Variants in RARB observed in about 807,000 individuals in gnomAD.
RARB encodes HBV-activated protein.
A neutral mutation model predicts 51.9 loss-of-function variants in RARB; 17 were observed. The ratio of observed to expected loss-of-function variants is 0.33; its 90% CI spans 0.22 to 0.49. The LOEUF (loss-of-function observed/expected upper bound fraction) is 0.49, where lower values mean the gene tolerates loss of function less well. RARB is among the 20% of genes least tolerant of loss of function. The pLI, the probability that RARB is intolerant of heterozygous loss-of-function variation, is 0.99. For synonymous variants in RARB, 215 were observed against 195.4 expected (o/e 1.10, Z -0.84); for missense variants, 369 against 550.8 (o/e 0.67, Z 3.30).
At chr3:25,133,081 CATTCTT>C (rs1483152831) in intron 4 of RARB, among the ~76,000 whole-genome samples, 1 of 151,930 alleles carries the variant, frequency 6.6e-6, no homozygotes, top group African/African-American at 2.4e-5. Flanking sequence ...TCTGAGTTTT[CATTCTT>C]AATGTTGAAC....
intron 5 of RARB, among the ~76,000 whole-genome samples, chr3:25,363,687 C>T (rs79457532): frequency 0.022 from 3,299 of 152,248 alleles, 66 homozygotes; most frequent in South Asian, 0.11. Flanking sequence ...TCCTTGCCTC[C>T]ACCCTTTCCA....
chr3:25,162,049 A>G (rs1700481921), intron 4 of RARB, among the ~76,000 whole-genome samples: 1 of 152,028 alleles, frequency 6.6e-6, no homozygotes, highest in Non-Finnish European at 1.5e-5. Flanking sequence ...TGAGATCCCA[A>G]CCCCAGGAAT....
intron 3 of RARB, among the ~76,000 whole-genome samples, chr3:25,064,914 GA>G (rs1020083149): frequency 1.3e-5 from 2 of 152,096 alleles, no homozygotes; most frequent in Admixed American, 1.3e-4. Context: ...AGAAAGCAAA[GA>G]ATCTGTGATG....
intron 5 of RARB, among the ~76,000 whole-genome samples, chr3:25,229,865 G>C (rs1702136976): frequency 6.6e-6 from 1 of 152,110 alleles, no homozygotes; most frequent in South Asian, 2.1e-4. Flanking sequence ...TAATGGATGA[G>C]CTGGGTGTGA....
intron 2 of RARB, among the ~76,000 whole-genome samples, chr3:24,981,223 G>C (rs1393703293): frequency 6.6e-6 from 1 of 152,218 alleles, no homozygotes; most frequent in Non-Finnish European, 1.5e-5. Flanking sequence ...CTACACAGGA[G>C]TCAGGGACCC....
chr3:25,144,806 G>C (rs537162485), intron 4 of RARB, among the ~76,000 whole-genome samples: 1 of 152,162 alleles, frequency 6.6e-6, no homozygotes, highest in South Asian at 2.1e-4. Context: ...CGTATACCTC[G>C]AGGCTATATG....
intron 2 of RARB, among the ~76,000 whole-genome samples, chr3:24,974,306 T>G (rs1049418592): frequency 5.3e-5 from 8 of 152,114 alleles, no homozygotes; most frequent in Non-Finnish European, 1.2e-4. Context: ...GGTGAATAAT[T>G]TTTTAAACGC....
chr3:25,092,728 T>G (rs1357876462), intron 3 of RARB, among the ~76,000 whole-genome samples: 5 of 152,166 alleles, frequency 3.3e-5, no homozygotes, highest in Admixed American at 2.6e-4. Context: ...GTGTGTTGTC[T>G]TGCCATGTAA....
intron 3 of RARB, among the ~76,000 whole-genome samples, chr3:25,075,142 G>A (rs974295268): frequency 1.6e-4 from 24 of 152,176 alleles, no homozygotes; most frequent in African/African-American, 5.6e-4. Flanking sequence ...AGATGCAGAT[G>A]TGGGGGTCTT....
At chr3:25,291,830 A>G (rs1233560760) in intron 5 of RARB, among the ~76,000 whole-genome samples, 1 of 152,142 alleles carries the variant, frequency 6.6e-6, no homozygotes, top group Non-Finnish European at 1.5e-5. Flanking sequence ...CAAAGAAAAA[A>G]TGGCTCTCAG....
chr3:25,101,353 A>G (rs566503428), intron 3 of RARB, among the ~76,000 whole-genome samples: 1 of 152,348 alleles, frequency 6.6e-6, no homozygotes, highest in African/African-American at 2.4e-5. Context: ...TCAAAAAGTG[A>G]AAGCCTCCTT....
chr3:24,907,352 GC>G (rs1393079261), intron 2 of RARB, among the ~76,000 whole-genome samples: 1 of 152,216 alleles, frequency 6.6e-6, no homozygotes, highest in Non-Finnish European at 1.5e-5. Context: ...TAATGCTGAT[GC>G]CACTGGCCTA....
intron 3 of RARB, among the ~76,000 whole-genome samples, chr3:25,536,184 AT>A (rs1457873235): frequency 6.6e-6 from 1 of 152,248 alleles, no homozygotes; most frequent in Non-Finnish European, 1.5e-5. Flanking sequence ...AAACAAAAAA[AT>A]AACTAAATCT....
intron 3 of RARB, among the ~76,000 whole-genome samples, chr3:25,558,084 G>C (rs1286761): frequency 0.34 from 52,097 of 152,036 alleles, 12,022 homozygotes; most frequent in African/African-American, 0.66. Context: ...GATTCTCCGG[G>C]AAGTTCAAAC....
intron 3 of RARB, among the ~76,000 whole-genome samples, chr3:25,093,233 C>T (rs1172275733): frequency 6.6e-6 from 1 of 152,180 alleles, no homozygotes; most frequent in Non-Finnish European, 1.5e-5. Flanking sequence ...TCTGATACTT[C>T]TCCTTTTATA....
chr3:25,406,989 A>T (rs1707426957), intron 5 of RARB, among the ~76,000 whole-genome samples: 2 of 152,198 alleles, frequency 1.3e-5, no homozygotes, highest in African/African-American at 4.8e-5. Flanking sequence ...AATGATTTCC[A>T]AATTCTGTAA....
At chr3:25,418,235 G>A (rs976618385) in intron 5 of RARB, among the ~76,000 whole-genome samples, 2 of 152,008 alleles carry the variant, frequency 1.3e-5, no homozygotes, top group East Asian at 3.9e-4. Flanking sequence ...TTGGGAGAAG[G>A]GTCCTGGAAT....
intron 2 of RARB, among the ~76,000 whole-genome samples, chr3:24,936,168 G>A (rs929130866): frequency 6.6e-6 from 1 of 152,116 alleles, no homozygotes; most frequent in Non-Finnish European, 1.5e-5. Context: ...GTCCATGTTT[G>A]TATAGAGTAT....
intron 2 of RARB, among the ~76,000 whole-genome samples, chr3:25,468,608 T>C (rs1036468368): frequency 1.2e-4 from 18 of 152,004 alleles, no homozygotes; most frequent in African/African-American, 4.3e-4. Flanking sequence ...TCTGAAGCAG[T>C]GGTGTGTTAT....
Sources: gnomAD v4.1 joint callset for allele counts (sites outside exome capture counted in the v4.1 genomes callset) on GRCh38, gnomAD v4.1.1 for gene constraint, MANE v1.5 for transcripts, NCBI Gene and HGNC (gene_info 2026-07-23, HGNC 2026-07-21) for gene names.